The following TXNDC9 variants were observed in gnomAD, a reference collection of about 807,000 sequenced individuals.
The protein encoded by TXNDC9 is thioredoxin domain containing 9.
Under a neutral mutation model 23.0 loss-of-function variants are expected in TXNDC9, and 7 were observed. The ratio of observed to expected loss-of-function variants is 0.30; its 90% CI spans 0.17 to 0.57. TXNDC9 has a LOEUF of 0.57. TXNDC9 is among the 20% of genes least tolerant of loss of function. The probability of loss-of-function intolerance (pLI) is 0.90; values close to 1 mark genes in which losing one functional copy is unlikely to be tolerated. For missense variants in TXNDC9, 198 were observed against 252.6 expected (o/e 0.78, Z 1.47); for synonymous variants, 72 against 90.6 (o/e 0.79, Z 1.17).
the TXNDC9 span, among the ~76,000 whole-genome samples, chr2:99,309,089 T>C: frequency 1.3e-5 from 2 of 151,810 alleles, no homozygotes; most frequent in Non-Finnish European, 1.5e-5. Context: ...AAATTAAAAA[T>C]AGCTTTAAAA....
downstream of TXNDC9, among the ~76,000 whole-genome samples, chr2:99,316,697 T>G (rs2094189709): frequency 6.6e-6 from 1 of 152,180 alleles, no homozygotes; most frequent in African/African-American, 2.4e-5. Context: ...CTAATGAATT[T>G]TTCATTACAG....
At chr2:99,309,958 T>G in the TXNDC9 span, among the ~76,000 whole-genome samples, 1 of 151,990 alleles carries the variant, frequency 6.6e-6, no homozygotes, top group Non-Finnish European at 1.5e-5. Context: ...GCGCTGGGAT[T>G]ACAAGCGTGA....
In TXNDC9 at chr2:99,327,662, G is replaced by GA. The variant is rs1491125041; in HGVS notation, c.190-10dup. The GA allele has an allele frequency of 1.3e-6, 2 of 1,573,402 alleles. No homozygotes were observed. Among genetic ancestry groups the GA allele is most frequent in the African/African-American group, 1.4e-5 (1 of 73,980 alleles). On this transcript the variant is annotated splice_polypyrimidine_tract_variant and intron_variant, in intron 2 of 4. Coordinates refer to ENST00000264255, the MANE Select transcript of TXNDC9 (RefSeq NM_005783.4). ...CCTTTAGAAAGCCATTCCTAATTTG[G>GA]AGAGAGGCAAAACATTACACATGTG...
downstream of TXNDC9, among the ~76,000 whole-genome samples, chr2:99,314,528 C>CTTTTTTT (rs1559230942): frequency 7.8e-4 from 40 of 51,104 alleles, no homozygotes; most frequent in African/African-American, 2.2e-3. Flanking sequence ...AAATACTACA[C>CTTTTTTT]CTTTTTTTTT....
At chr2:99,330,747 A>G (rs1248592475) in intron 2 of TXNDC9, among the ~76,000 whole-genome samples, 1 of 152,258 alleles carries the variant, frequency 6.6e-6, no homozygotes, top group Non-Finnish European at 1.5e-5. Flanking sequence ...AAGTCAATGC[A>G]TACAATGATC....
the TXNDC9 span, chr2:99,307,427 T>C: frequency 7.2e-6 from 1 of 138,464 alleles, no homozygotes; most frequent in Non-Finnish European, 1.5e-5. Context: ...CAGGACTCTA[T>C]ATAAATCGCT....
intron 2 of TXNDC9, among the ~76,000 whole-genome samples, chr2:99,331,502 T>C (rs188328381): frequency 0.024 from 2,888 of 120,602 alleles, 38 homozygotes; most frequent in Middle Eastern, 0.061. Context: ...AGAGTGAGAC[T>C]CCCTCTCAAA....
chr2:99,325,316 A>G (rs1303998893), intron 3 of TXNDC9, among the ~76,000 whole-genome samples: 1 of 152,204 alleles, frequency 6.6e-6, no homozygotes, highest in East Asian at 1.9e-4. Flanking sequence ...CATGGGTTCC[A>G]ATCTCTCTCT....
chr2:99,314,895 A>ATT (rs56288449), downstream of TXNDC9, among the ~76,000 whole-genome samples: 40,815 of 106,622 alleles, frequency 0.38, 9,053 homozygotes, highest in East Asian at 0.61. Context: ...TCCTTTACTC[A>ATT]TTTTTTTTTT....
In TXNDC9 at chr2:99,322,653, T is replaced by A. The variant is rs1373329136; in HGVS notation, c.309-444A>T. ...AGGAAAAACTTCTTACTCCTAAATA[T>A]GCAACGCTGTCAGTAAGAAGCACAT... On this transcript the variant is annotated intron_variant, in intron 3 of 4. Coordinates refer to ENST00000264255, the MANE Select transcript of TXNDC9 (RefSeq NM_005783.4). 2.6e-6 allele frequency: 4 copies of A among 1,540,358 alleles called. No individual in the cohort carries two copies. In the Admixed American group the frequency reaches 8.3e-5, roughly 32 times the overall value.
chr2:99,316,446 G>A (rs1294706144), downstream of TXNDC9, among the ~76,000 whole-genome samples: 1 of 152,150 alleles, frequency 6.6e-6, no homozygotes, highest in Non-Finnish European at 1.5e-5. Flanking sequence ...TGGGATTACA[G>A]GAGTGAGCCA....
intron 2 of TXNDC9, among the ~76,000 whole-genome samples, chr2:99,329,904 T>G (rs909470911): frequency 6.6e-6 from 1 of 151,748 alleles, no homozygotes; most frequent in Non-Finnish European, 1.5e-5. Context: ...AAGGCGGAGG[T>G]TGCAGTGAGC....
chr2:99,326,124 T>C (rs2094212312), intron 3 of TXNDC9, among the ~76,000 whole-genome samples: 1 of 152,178 alleles, frequency 6.6e-6, no homozygotes, highest in Non-Finnish European at 1.5e-5. Context: ...TTGAGGAATG[T>C]GTGCCAATGC....
At chr2:99,319,821 T>A in intron 4 of TXNDC9, 22 bp from the exon 5 acceptor site, 1 of 1,313,662 alleles carries the variant, frequency 7.6e-7, no homozygotes, top group Non-Finnish European at 1.1e-6. Flanking sequence ...AAAAAAGCAT[T>A]TTATTCTTTA....
At chr2:99,316,795 C>T (rs765759253), downstream of TXNDC9, among the ~76,000 whole-genome samples, 5 of 151,982 alleles carry the variant, frequency 3.3e-5, no homozygotes, top group Non-Finnish European at 5.9e-5. Flanking sequence ...CTCACTCTGT[C>T]GCCCAGGCTG....
intron 2 of TXNDC9, among the ~76,000 whole-genome samples, chr2:99,327,875 C>T (rs1378232831): frequency 6.6e-6 from 1 of 151,186 alleles, no homozygotes; most frequent in Admixed American, 6.6e-5. Context: ...ACCTCCGCCT[C>T]CTGGGTTCAA....
chr2:99,336,147 G>T, intron 1 of TXNDC9, 92 bp downstream of exon 1: 1 of 964,856 alleles, frequency 1.0e-6, no homozygotes, highest in Non-Finnish European at 1.2e-6. Context: ...TGCTGGGGCC[G>T]CGCCCCTCCT....
intron 4 of TXNDC9, among the ~76,000 whole-genome samples, chr2:99,320,285 G>A (rs2094198474): frequency 6.6e-6 from 1 of 152,104 alleles, no homozygotes; most frequent in Non-Finnish European, 1.5e-5. Flanking sequence ...TGGGATTATA[G>A]GTATGAGCCA....
At chr2:99,317,814 C>T (rs181437983), downstream of TXNDC9, among the ~76,000 whole-genome samples, 57 of 152,142 alleles carry the variant, frequency 3.7e-4, no homozygotes, top group African/African-American at 1.1e-3. Context: ...GGGCACAAGT[C>T]GCCGCAGTTT....
Sources: gnomAD v4.1 joint callset for allele counts (sites outside exome capture counted in the v4.1 genomes callset) on GRCh38, gnomAD v4.1.1 for gene constraint, MANE v1.5 for transcripts, NCBI Gene and HGNC (gene_info 2026-07-23, HGNC 2026-07-21) for gene names.